The following ATXN2 variants were observed in gnomAD, a reference collection of about 807,000 sequenced individuals.
ATXN2 encodes the protein ataxin-2.
ATXN2 carries 37 observed loss-of-function variants against 138.6 expected under a neutral mutation model. The ratio of observed to expected loss-of-function variants is 0.27; its 90% CI spans 0.21 to 0.35. ATXN2 has a LOEUF of 0.35. Ranked by LOEUF, ATXN2 falls within the 10% of genes least tolerant of loss-of-function variation. The pLI is 1.00. For missense variants in ATXN2, 1,216 were observed against 1,480.3 expected (o/e 0.82, Z 2.93); for synonymous variants, 549 against 543.7 (o/e 1.01, Z -0.13).
intron 11 of ATXN2, chr12:111,512,390 T>G (rs949722145): frequency 1.3e-5 from 2 of 152,164 alleles, no homozygotes; most frequent in Admixed American, 6.5e-5. Flanking sequence ...AAGGACTGAT[T>G]GGCAAAGTAG....
At chr12:111,508,397 T>C (rs1179750448) in intron 14 of ATXN2, among the ~76,000 whole-genome samples, 1 of 151,834 alleles carries the variant, frequency 6.6e-6, no homozygotes, top group African/African-American at 2.4e-5. Flanking sequence ...CAATATTCTT[T>C]GTATCATTTG....
intron 11 of ATXN2, chr12:111,511,345 TGA>T (rs1276388215): frequency 1.3e-5 from 2 of 152,162 alleles, no homozygotes; most frequent in African/African-American, 4.8e-5. Context: ...AATGCTATTC[TGA>T]GTGTATCTCC....
At position 111,557,863 on chromosome 12, in the gene ATXN2, G is replaced by A. The variant is rs544150024; in HGVS notation, c.252-1944C>T. On this transcript the variant is annotated intron_variant, in intron 1 of 24. Coordinates refer to ENST00000673436, the MANE Select transcript of ATXN2 (RefSeq NM_001372574.1). Reference sequence around the variant, plus strand: ...AAAATGCCTAAATCTTACTTAGAACGATGATCTGGTATCCTGGTGGCTGCT... The same window carrying A: ...AAAATGCCTAAATCTTACTTAGAACAATGATCTGGTATCCTGGTGGCTGCT... Among the ~76,000 whole-genome samples, 5 of 152,232 alleles carry A rather than the reference G, an allele frequency of 3.3e-5. 1 individual carries two copies. Among genetic ancestry groups the A allele is most frequent in the African/African-American group, 1.2e-4 (5 of 41,530 alleles).
At chr12:111,566,291 G>A (rs1025324724) in intron 1 of ATXN2, among the ~76,000 whole-genome samples, 1 of 151,644 alleles carries the variant, frequency 6.6e-6, no homozygotes, top group African/African-American at 2.4e-5. Context: ...AATTAGGTGG[G>A]CATGGTGGTG....
chr12:111,477,998 T>C (rs1440718191), intron 18 of ATXN2, among the ~76,000 whole-genome samples: 2 of 152,076 alleles, frequency 1.3e-5, no homozygotes, highest in South Asian at 2.1e-4. Context: ...GGTTTTGTCA[T>C]GTTCCTCAGG....
chr12:111,515,255 C>A (rs931376275), intron 10 of ATXN2, among the ~76,000 whole-genome samples: 3 of 152,120 alleles, frequency 2.0e-5, no homozygotes, highest in Non-Finnish European at 4.4e-5. Context: ...TTATTAGTCC[C>A]AACATAAGCA....
At chr12:111,538,761 T>C (rs1881333929) in intron 5 of ATXN2, among the ~76,000 whole-genome samples, 1 of 150,410 alleles carries the variant, frequency 6.6e-6, no homozygotes, top group Admixed American at 6.7e-5. Flanking sequence ...TGCTGTATTT[T>C]ACTTCAAAAT....
Position 111,456,270 on chromosome 12 carries a change from G to A in ATXN2, c.3043-14C>T, listed in dbSNP as rs1593091170. 2 of 1,613,736 alleles carry A rather than the reference G, an allele frequency of 1.2e-6. No individual in the cohort carries two copies. The highest frequency in any genetic ancestry group is 1.1e-5 in the South Asian group (1 of 91,084). On this transcript the variant is annotated splice_polypyrimidine_tract_variant and intron_variant, in intron 22 of 24. Coordinates refer to ENST00000673436, the MANE Select transcript of ATXN2 (RefSeq NM_001372574.1). The stretch of plus-strand genomic sequence containing the variant: ...GTGCTGATGGTGCTGCAAAGCGACA[G>A]GAAAGAATTGAGAGGAAAACTTCTT...
intron 8 of ATXN2, among the ~76,000 whole-genome samples, chr12:111,519,137 T>C (rs1032090267): frequency 8.5e-5 from 13 of 152,270 alleles, no homozygotes; most frequent in Admixed American, 8.5e-4. Context: ...CTTAACTAGG[T>C]GGTTACCAAA....
intron 23 of ATXN2, chr12:111,454,065 A>C (rs958024204): frequency 2.0e-6 from 1 of 494,882 alleles, no homozygotes; most frequent in Non-Finnish European, 3.6e-6. Context: ...AGCAGGCAAC[A>C]AGTGAGCCTG....
intron 1 of ATXN2, among the ~76,000 whole-genome samples, chr12:111,558,415 C>T: frequency 6.6e-6 from 1 of 152,146 alleles, no homozygotes; most frequent in East Asian, 1.9e-4. Flanking sequence ...TCAGGTTTAA[C>T]AAAACACTAA....
chr12:111,578,993 G>A (rs925658182), intron 1 of ATXN2, among the ~76,000 whole-genome samples: 10 of 151,950 alleles, frequency 6.6e-5, no homozygotes, highest in Non-Finnish European at 1.3e-4. Flanking sequence ...AGACAATATC[G>A]CACCACTGCA....
chr12:111,538,052 C>T (rs949077073), intron 5 of ATXN2, among the ~76,000 whole-genome samples: 1 of 150,454 alleles, frequency 6.6e-6, no homozygotes, highest in East Asian at 2.0e-4. Flanking sequence ...GCTACGATGG[C>T]GCCACTGCAC....
intron 1 of ATXN2, among the ~76,000 whole-genome samples, chr12:111,557,899 G>A (rs1252493636): frequency 4.6e-5 from 7 of 152,106 alleles, no homozygotes; most frequent in African/African-American, 1.7e-4. Flanking sequence ...GAGATGCCAA[G>A]TTACAAAACC....
intron 5 of ATXN2, among the ~76,000 whole-genome samples, chr12:111,541,659 A>G (rs1007147302): frequency 6.7e-6 from 1 of 149,188 alleles, no homozygotes; most frequent in African/African-American, 2.4e-5. Flanking sequence ...ATTCTGACAT[A>G]TTTTGTAGGG....
chr12:111,529,039 T>C (rs1202305365), intron 5 of ATXN2, among the ~76,000 whole-genome samples: 1 of 152,124 alleles, frequency 6.6e-6, no homozygotes, highest in Non-Finnish European at 1.5e-5. Context: ...CCGCAATCAC[T>C]GCAGCCCTGG....
intron 1 of ATXN2, among the ~76,000 whole-genome samples, chr12:111,596,816 T>A (rs1268552343): frequency 6.6e-6 from 1 of 152,198 alleles, no homozygotes; most frequent in Admixed American, 6.6e-5. Context: ...CTTGTGGTAC[T>A]AAAACATTCC....
chr12:111,527,328 G>A (rs1186735094), intron 5 of ATXN2, among the ~76,000 whole-genome samples: 1 of 152,204 alleles, frequency 6.6e-6, no homozygotes, highest in East Asian at 1.9e-4. Flanking sequence ...GCCACTAAGA[G>A]GAGGAAGGGA....
intron 15 of ATXN2, among the ~76,000 whole-genome samples, chr12:111,487,457 A>G (rs1252249427): frequency 1.5e-5 from 2 of 132,524 alleles, no homozygotes; most frequent in Non-Finnish European, 3.0e-5. Context: ...GTATCCTTTT[A>G]TTTATTTATT....
Sources: gnomAD v4.1 joint callset for allele counts (sites outside exome capture counted in the v4.1 genomes callset) on GRCh38, gnomAD v4.1.1 for gene constraint, MANE v1.5 for transcripts, NCBI Gene and HGNC (gene_info 2026-07-23, HGNC 2026-07-21) for gene names.